FHIP1A: variants seen among roughly 807,000 people sequenced by gnomAD.
FHIP1A encodes the protein FHF complex subunit HOOK interacting protein 1A.
In FHIP1A, 61 loss-of-function variants were observed where a neutral mutation model predicts 88.6. That is an observed-to-expected ratio of 0.69 (90% CI 0.56 to 0.85). FHIP1A has a LOEUF of 0.85. Among genes scored for constraint, FHIP1A ranks in the 40% least tolerant of loss-of-function variants. The probability of loss-of-function intolerance (pLI) is 0.00; values close to 1 mark genes in which losing one functional copy is unlikely to be tolerated. For synonymous variants in FHIP1A, 478 were observed against 496.0 expected (o/e 0.96, Z 0.48); for missense variants, 1,154 against 1,273.5 (o/e 0.91, Z 1.43).
chr4:151,452,112 C>A (rs985263949), intron 1 of FHIP1A, among the ~76,000 whole-genome samples: 3 of 152,184 alleles, frequency 2.0e-5, no homozygotes, highest in Non-Finnish European at 4.4e-5. Flanking sequence ...TGAGCCACCA[C>A]GCCTGGCTAC....
chr4:151,528,755 A>G (rs759768020), intron 3 of FHIP1A, among the ~76,000 whole-genome samples: 1 of 152,064 alleles, frequency 6.6e-6, no homozygotes, highest in Non-Finnish European at 1.5e-5. Flanking sequence ...TTCATTCCTT[A>G]ATGGAACCTT....
intron 3 of FHIP1A, among the ~76,000 whole-genome samples, chr4:151,507,989 T>C (rs1458552092): frequency 1.3e-5 from 2 of 152,114 alleles, no homozygotes; most frequent in Non-Finnish European, 2.9e-5. Flanking sequence ...CTGAAGAAGA[T>C]AGAATATAGA....
At chr4:151,657,008 C>A in intron 13 of FHIP1A, 110 bp downstream of exon 13, 1 of 1,120,574 alleles carries the variant, frequency 8.9e-7, no homozygotes, top group Non-Finnish European at 1.2e-6. Flanking sequence ...TAGAAGCATT[C>A]AGAGATATTT....
chr4:151,465,075 G>A (rs1246628732), intron 2 of FHIP1A, among the ~76,000 whole-genome samples: 1 of 152,068 alleles, frequency 6.6e-6, no homozygotes, highest in African/African-American at 2.4e-5. Flanking sequence ...AGGCATGGTG[G>A]TGCACACCTG....
chr4:151,447,852 A>G (rs1728660736), intron 1 of FHIP1A, among the ~76,000 whole-genome samples: 1 of 152,098 alleles, frequency 6.6e-6, no homozygotes, highest in Non-Finnish European at 1.5e-5. Context: ...AAGGAGAGAA[A>G]CCTCAGGAGA....
chr4:151,659,871 C>A (rs565235084), intron 13 of FHIP1A, among the ~76,000 whole-genome samples: 1 of 152,344 alleles, frequency 6.6e-6, no homozygotes, highest in Admixed American at 6.5e-5. Context: ...ACGTCCTGTT[C>A]CCAGTTCCAC....
In FHIP1A at chr4:151,662,737, G is replaced by A. The variant is rs1253109001; in HGVS notation, c.3106G>A (p.Glu1036Lys). ...GTGCTACAAGATCTTGGGTGACTTT[G>A]AGGACTCCTGCTGTTAGCTTTTTTT... ...ILCYKILGDF[E>K]DSCC The change falls in exon 14 of 14, where the codon GAG becomes AAG. Residue 1036 changes from glutamate to lysine, a missense_variant. By Grantham distance (56) the Glu-to-Lys change is moderately conservative. Coordinates refer to ENST00000435205, the MANE Select transcript of FHIP1A (RefSeq NM_001109977.3). The A allele has an allele frequency of 6.6e-7, 1 of 1,521,206 alleles. No homozygotes were observed. Among genetic ancestry groups the A allele is most frequent in the Non-Finnish European group, 8.8e-7 (1 of 1,136,916 alleles). The allele number at this position is 1,521,206 out of a possible 1,614,324, so 94.2% of individuals were successfully genotyped here. A position where few individuals can be genotyped will look rare whatever the true frequency, so the allele number is the denominator to read the frequency against.
intron 2 of FHIP1A, among the ~76,000 whole-genome samples, chr4:151,476,216 A>G (rs1729697429): frequency 7.3e-6 from 1 of 136,548 alleles, no homozygotes. Flanking sequence ...ATCATGGCTC[A>G]CTGTGGCCTC....
chr4:151,478,665 G>A (rs1729794620), intron 2 of FHIP1A, among the ~76,000 whole-genome samples: 1 of 151,932 alleles, frequency 6.6e-6, no homozygotes, highest in African/African-American at 2.4e-5. Flanking sequence ...TTTTCTACAA[G>A]GCCTTCTTAG....
chr4:151,597,687 C>T (rs1005208833), intron 7 of FHIP1A, among the ~76,000 whole-genome samples: 2 of 152,170 alleles, frequency 1.3e-5, no homozygotes, highest in African/African-American at 4.8e-5. Flanking sequence ...TCTCTAAGCC[C>T]CTGACTGGGG....
intron 2 of FHIP1A, among the ~76,000 whole-genome samples, chr4:151,469,030 A>G (rs1430273084): frequency 6.6e-6 from 1 of 152,198 alleles, no homozygotes; most frequent in Admixed American, 6.5e-5. Context: ...ATATGTGGTT[A>G]TACTTTTTGT....
chr4:151,547,245 A>G (rs926065122), intron 3 of FHIP1A, among the ~76,000 whole-genome samples: 15 of 152,190 alleles, frequency 9.9e-5, no homozygotes, highest in African/African-American at 3.6e-4. Flanking sequence ...TATGTTAGAA[A>G]GAAGGTATGT....
chr4:151,499,214 C>G (rs1211927910), intron 3 of FHIP1A, among the ~76,000 whole-genome samples: 1 of 151,992 alleles, frequency 6.6e-6, no homozygotes, highest in East Asian at 1.9e-4. Context: ...CTTGACTCAC[C>G]CTTCTTATAT....
At chr4:151,433,274 A>G (rs1318916860) in intron 1 of FHIP1A, among the ~76,000 whole-genome samples, 1 of 151,538 alleles carries the variant, frequency 6.6e-6, no homozygotes, top group Non-Finnish European at 1.5e-5. Flanking sequence ...GAAGGCCCGT[A>G]GGTAATGGCG....
At chr4:151,412,610 T>TCCTTCCTTCCTCCCTC (rs1397475261) in intron 1 of FHIP1A, among the ~76,000 whole-genome samples, 1 of 121,892 alleles carries the variant, frequency 8.2e-6, no homozygotes, top group African/African-American at 3.3e-5. Flanking sequence ...CTTCCTTCCT[T>TCCTTCCTTCCTCCCTC]CCTCCCTCCC....
At chr4:151,617,108 C>T (rs570161193) in intron 7 of FHIP1A, among the ~76,000 whole-genome samples, 1 of 152,082 alleles carries the variant, frequency 6.6e-6, no homozygotes, top group Non-Finnish European at 1.5e-5. Flanking sequence ...GGGACAGGCT[C>T]AATCCCAAGC....
chr4:151,515,832 C>T (rs965044983), intron 3 of FHIP1A, among the ~76,000 whole-genome samples: 10 of 152,172 alleles, frequency 6.6e-5, no homozygotes, highest in African/African-American at 2.4e-4. Flanking sequence ...ATTCCATACT[C>T]ATGGGTAGGA....
intron 7 of FHIP1A, among the ~76,000 whole-genome samples, chr4:151,620,054 C>T (rs1331050387): frequency 3.3e-5 from 5 of 152,158 alleles, no homozygotes; most frequent in Non-Finnish European, 7.4e-5. Flanking sequence ...TAGTGCCTGC[C>T]ATAAACCTCA....
At chr4:151,443,026 AG>A (rs1229137481) in intron 1 of FHIP1A, among the ~76,000 whole-genome samples, 1 of 152,068 alleles carries the variant, frequency 6.6e-6, no homozygotes, top group Non-Finnish European at 1.5e-5. Flanking sequence ...TGGGAGGACA[AG>A]GTGGGAGTTC....
Sources: allele counts gnomAD v4.1 joint callset (sites outside exome capture counted in the v4.1 genomes callset), GRCh38; gene constraint gnomAD v4.1.1; transcripts MANE v1.5; gene names NCBI Gene and HGNC (gene_info 2026-07-23, HGNC 2026-07-21).